TTC19: variants seen among roughly 807,000 people sequenced by gnomAD.
TTC19 encodes tetratricopeptide repeat protein 19, mitochondrial.
TTC19 carries 38 observed loss-of-function variants against 49.5 expected under a neutral mutation model. That is an observed-to-expected ratio of 0.77 (90% CI 0.59 to 1.01). TTC19 has a LOEUF of 1.01. Ranked by LOEUF, TTC19 falls within the 50% of genes least tolerant of loss-of-function variation. TTC19 has a pLI of 0.00. For missense variants in TTC19, 475 were observed against 477.7 expected, an observed-to-expected ratio of 0.99 and a Z score of 0.05; for synonymous variants, 204 against 185.2, an observed-to-expected ratio of 1.10 and a Z score of -0.83.
At chr17:16,014,863 A>G (rs1971168948) in intron 7 of TTC19, among the ~76,000 whole-genome samples, 1 of 152,186 alleles carries the variant, frequency 6.6e-6, no homozygotes, top group Non-Finnish European at 1.5e-5. Context: ...ACATCAAGCA[A>G]TAGTAGTAAT....
intron 7 of TTC19, among the ~76,000 whole-genome samples, chr17:16,007,748 C>T (rs1970954626): frequency 6.6e-6 from 1 of 152,152 alleles, no homozygotes; most frequent in Admixed American, 6.5e-5. Flanking sequence ...TTCTTCATGC[C>T]ACCCAGAATG....
At chr17:16,038,761 T>TTTTATTG (rs1567640590) in intron 2 of TTC19, among the ~76,000 whole-genome samples, 1 of 151,956 alleles carries the variant, frequency 6.6e-6, no homozygotes, top group African/African-American at 2.4e-5. Flanking sequence ...TTTTATTTTA[T>TTTTATTG]TGTGTGTGTC....
At chr17:16,040,976 C>G (rs576055647) in intron 2 of TTC19, 11 of 161,160 alleles carry the variant, frequency 6.8e-5, no homozygotes, top group Admixed American at 2.5e-4. Flanking sequence ...GTTCTCAGAA[C>G]AGGAACCAAG....
intron 1 of TTC19, 24 bp from the exon 2 acceptor site, chr17:16,000,087 GGCCCGAT>G (rs1383464028): frequency 1.4e-6 from 2 of 1,447,136 alleles, no homozygotes; most frequent in East Asian, 5.6e-5. Context: ...GCGCGGGCCG[GGCCCGAT>G]GACCTCAGAG....
chr17:16,032,589 T>C (rs1367569318), downstream of TTC19: 2 of 1,108,376 alleles, frequency 1.8e-6, no homozygotes, highest in East Asian at 2.6e-5. Context: ...AAAATGGTCA[T>C]GTGACACCAT....
intron 7 of TTC19, chr17:16,023,549 T>C (rs954891668): frequency 6.6e-6 from 1 of 152,214 alleles, no homozygotes; most frequent in Non-Finnish European, 1.5e-5. Context: ...CTAGAAAACA[T>C]AGCATGCCTA....
intron 8 of TTC19, among the ~76,000 whole-genome samples, 189 bp downstream of exon 8, chr17:16,025,360 G>C (rs1441112408): frequency 6.6e-6 from 1 of 152,214 alleles, no homozygotes; most frequent in Non-Finnish European, 1.5e-5. Context: ...TTTGAGACTA[G>C]TTATCAGTTA....
At chr17:16,006,385 G>C in intron 6 of TTC19, 89 bp from the exon 7 acceptor site, 1 of 968,558 alleles carries the variant, frequency 1.0e-6, no homozygotes, top group Non-Finnish European at 1.7e-6. Context: ...ACTCCAGCCT[G>C]GGCAACAAGA....
At chr17:16,032,338 C>T (rs1160931734), downstream of TTC19, 12 of 1,613,984 alleles carry the variant, frequency 7.4e-6, no homozygotes, top group South Asian at 2.2e-5. Flanking sequence ...GTGCTGAGAG[C>T]AGTGGGGCAG....
intron 2 of TTC19, chr17:16,040,764 G>A (rs1011657759): frequency 1.3e-5 from 6 of 447,118 alleles, no homozygotes; most frequent in African/African-American, 1.2e-4. Context: ...GTGCAGTGGT[G>A]CACTCCTAGT....
At chr17:16,037,249 A>G (rs976757153) in intron 2 of TTC19, among the ~76,000 whole-genome samples, 3 of 152,212 alleles carry the variant, frequency 2.0e-5, no homozygotes, top group African/African-American at 7.2e-5. Context: ...CAATAGTAAT[A>G]TCAAAGGTCA....
chr17:16,005,918 G>C (rs939008169), intron 6 of TTC19, among the ~76,000 whole-genome samples: 1 of 152,092 alleles, frequency 6.6e-6, no homozygotes, highest in Non-Finnish European at 1.5e-5. Flanking sequence ...GGCTATGTCA[G>C]TTATTAAAAT....
rs148354950 is a variant in TTC19 at position 16,012,566 on chromosome 17, A to G, written c.676+5998A>G. 3.7e-3 allele frequency among the ~76,000 whole-genome samples: 565 copies of G among 151,926 alleles called. 3 individuals carry two copies. The highest frequency in any genetic ancestry group is 0.012 in the South Asian group (59 of 4,786). On this transcript the variant is annotated intron_variant, in intron 7 of 9. Transcript: ENST00000261647. ...TGGAGCTCTTCCTACCTGGGATACT[A>G]TTCTCCTTAATCTTGTCACTATCAT...
chr17:16,038,118 G>A (rs918031370), intron 2 of TTC19, among the ~76,000 whole-genome samples: 3 of 152,070 alleles, frequency 2.0e-5, no homozygotes, highest in Middle Eastern at 3.4e-3. Flanking sequence ...CTTAACCATA[G>A]TGAGATAGAT....
At chr17:16,017,709 C>T (rs1423654598) in intron 7 of TTC19, among the ~76,000 whole-genome samples, 3 of 152,046 alleles carry the variant, frequency 2.0e-5, no homozygotes, top group African/African-American at 4.8e-5. Flanking sequence ...TGCAGTGAGC[C>T]GAGATCACGC....
chr17:16,042,928 G>A (rs1002045203), intron 2 of TTC19, among the ~76,000 whole-genome samples: 11 of 152,246 alleles, frequency 7.2e-5, no homozygotes, highest in Non-Finnish European at 1.0e-4. Flanking sequence ...GCATACAAGC[G>A]ACCATTCAAC....
At chr17:16,039,529 A>C (rs1597648171) in intron 2 of TTC19, 2 of 1,614,034 alleles carry the variant, frequency 1.2e-6, no homozygotes, top group Non-Finnish European at 1.7e-6. Context: ...ATAGGCTGGG[A>C]CATGACAACT....
chr17:16,023,079 C>A (rs1031358075), intron 7 of TTC19, among the ~76,000 whole-genome samples: 3 of 152,114 alleles, frequency 2.0e-5, no homozygotes, highest in Non-Finnish European at 4.4e-5. Flanking sequence ...ATGAAATTTT[C>A]TCTTGGCAGT....
Position 16,001,545 on chromosome 17 carries a change from C to A in TTC19, c.313-370C>A, listed in dbSNP as rs992406866. On this transcript the variant is annotated intron_variant, in intron 2 of 9. Coordinates refer to ENST00000261647, the MANE Select transcript of TTC19 (RefSeq NM_017775.4). ...ACCCCTTATCATTCCTTTCTGTCATCTTTATAGCTCTTATCATTAGTTGTA... is the reference window on the plus strand; with the variant it reads ...ACCCCTTATCATTCCTTTCTGTCATATTTATAGCTCTTATCATTAGTTGTA... Among the ~76,000 whole-genome samples, 85 of 152,206 alleles carry A rather than the reference C, an allele frequency of 5.6e-4. 1 individual carries two copies. The highest frequency in any genetic ancestry group is 1.0e-4 in the Non-Finnish European group (7 of 68,030).
Sources: allele counts gnomAD v4.1 joint callset (sites outside exome capture counted in the v4.1 genomes callset), GRCh38; gene constraint gnomAD v4.1.1; transcripts MANE v1.5; gene names NCBI Gene and HGNC (gene_info 2026-07-23, HGNC 2026-07-21).